Variants in ZNF469 observed in about 807,000 individuals in gnomAD.
ZNF469 encodes the protein zinc finger protein 469.
Under a neutral mutation model 1.0 loss-of-function variants are expected in ZNF469, and 1 was observed. The ratio of observed to expected loss-of-function variants is 1.00; its 90% CI spans 0.35 to 4.73. ZNF469 has a LOEUF of 4.73. Ranked by LOEUF, ZNF469 falls within the 30% of genes most tolerant of loss-of-function variation. ZNF469 has a pLI of 0.16. For missense variants in ZNF469, 6,100 were observed against 5,356.3 expected, an observed-to-expected ratio of 1.14 and a Z score of -4.33; for synonymous variants, 2,703 against 2,363.4, an observed-to-expected ratio of 1.14 and a Z score of -4.17.
chr16:88,386,142 T>C (rs2092536313), intron 1 of ZNF469, among the ~76,000 whole-genome samples: 1 of 152,112 alleles, frequency 6.6e-6, no homozygotes, highest in African/African-American at 2.4e-5. Flanking sequence ...CTTCCCCATT[T>C]TCCCTCCTGG....
the ZNF469 span, among the ~76,000 whole-genome samples, chr16:88,114,547 G>C: frequency 3.3e-5 from 5 of 152,198 alleles, no homozygotes; most frequent in Non-Finnish European, 7.3e-5. Flanking sequence ...ATCAGGGAAC[G>C]CGCGGTGCCC....
the ZNF469 span, among the ~76,000 whole-genome samples, chr16:88,188,558 G>A: frequency 1.3e-5 from 2 of 152,178 alleles, no homozygotes. Flanking sequence ...CAGAGCATCT[G>A]AATCTCTGGG....
chr16:88,372,682 TCATCAC>T, the ZNF469 span, among the ~76,000 whole-genome samples: 108 of 147,788 alleles, frequency 7.3e-4, no homozygotes, highest in African/African-American at 2.1e-3. Context: ...ATCACCACCA[TCATCAC>T]CATCACCATT....
chr16:88,379,560 C>G (rs996951386), upstream of ZNF469, among the ~76,000 whole-genome samples: 1 of 152,082 alleles, frequency 6.6e-6, no homozygotes, highest in African/African-American at 2.4e-5. Flanking sequence ...GCAAAGCTGC[C>G]CCCAGGAGGG....
At chr16:88,203,728 C>G in the ZNF469 span, among the ~76,000 whole-genome samples, 3 of 150,014 alleles carry the variant, frequency 2.0e-5, no homozygotes, top group Non-Finnish European at 4.5e-5. Context: ...GTGTCTGTCC[C>G]TGTGTGTGTG....
At position 88,428,291 on chromosome 16, in the gene ZNF469, A is replaced by G; in HGVS notation, c.821A>G (p.Gln274Arg). Residue 274 changes from glutamine (Q) to arginine (R), a missense_variant, in exon 3 of 3, where the codon CAG becomes CGG. Gln to Arg is a conservative substitution (Grantham distance 43, BLOSUM62 1). Coordinates refer to ENST00000565624, the MANE Select transcript of ZNF469 (RefSeq NM_001367624.2). ...PGGSPRGVSF[Q>R]FPFPALHGAS... ...GGCAGCCCCAGGGGAGTTTCCTTCC[A>G]GTTCCCCTTCCCGGCACTGCATGGG... 1 of 1,550,380 alleles carries G rather than the reference A, an allele frequency of 6.5e-7. No individual in the cohort carries two copies. Among genetic ancestry groups the G allele is most frequent in the Non-Finnish European group, 8.7e-7 (1 of 1,146,936 alleles).
At chr16:88,231,460 G>T in the ZNF469 span, among the ~76,000 whole-genome samples, 1 of 152,346 alleles carries the variant, frequency 6.6e-6, no homozygotes, top group African/African-American at 2.4e-5. This position sits in a 1 kb window ranked among gnomAD's most constrained non-coding sequence, Gnocchi z 4.5. Context: ...ATGACCACAG[G>T]CTCACAGCTC....
Position 88,434,779 on chromosome 16 carries a change from G to T in ZNF469, c.7309G>T (p.Asp2437Tyr), listed in dbSNP as rs1233521979. The part of the protein sequence containing the change: ...RNASHQTPQG[D>Y]PLGPQDLKQR... ...TGCCTCCCACCAGACTCCCCAGGGG[G>T]ACCCCCTCGGCCCCCAAGACCTCAA... Residue 2437 changes from aspartate (D) to tyrosine (Y), a missense_variant, in exon 3 of 3, where the codon GAC becomes TAC. By Grantham distance (160) the Asp-to-Tyr change is radical. Transcript: ENST00000565624. The T allele has an allele frequency of 2.6e-6, 4 of 1,550,338 alleles. No homozygotes were observed. The South Asian group carries it at 4.8e-5, about 18-fold the overall frequency.
At chr16:88,406,902 G>A (rs1905041746) in intron 1 of ZNF469, among the ~76,000 whole-genome samples, 1 of 152,166 alleles carries the variant, frequency 6.6e-6, no homozygotes, top group African/African-American at 2.4e-5. Flanking sequence ...CGGCTGTTCA[G>A]CACCCCTCAG....
the ZNF469 span, among the ~76,000 whole-genome samples, chr16:88,205,299 G>A: frequency 1.3e-5 from 2 of 152,124 alleles, no homozygotes; most frequent in Admixed American, 6.5e-5. This position sits in a 1 kb window ranked among gnomAD's most constrained non-coding sequence, Gnocchi z 4.2. Flanking sequence ...CGGCTTCCTC[G>A]AAGGGTTTTT....
the ZNF469 span, among the ~76,000 whole-genome samples, chr16:88,117,315 C>A: frequency 6.6e-6 from 1 of 152,136 alleles, no homozygotes; most frequent in Non-Finnish European, 1.5e-5. Context: ...AGGACAGATG[C>A]GTGTGGCTCT....
the ZNF469 span, among the ~76,000 whole-genome samples, chr16:88,272,786 A>G: frequency 0.018 from 2,739 of 149,344 alleles, 85 homozygotes; most frequent in African/African-American, 0.066. Flanking sequence ...AGGTGGATGA[A>G]CGGGTGGGTG....
the ZNF469 span, among the ~76,000 whole-genome samples, chr16:88,215,217 T>C: frequency 6.6e-6 from 1 of 152,152 alleles, no homozygotes. Flanking sequence ...CTGAAATACT[T>C]GCATTTCTAT....
intron 1 of ZNF469, among the ~76,000 whole-genome samples, chr16:88,387,304 G>A (rs1470852010): frequency 6.6e-6 from 1 of 152,194 alleles, no homozygotes; most frequent in Non-Finnish European, 1.5e-5. Flanking sequence ...ATTCCTGTGA[G>A]TCCACGTCAC....
At chr16:88,329,285 A>C in the ZNF469 span, among the ~76,000 whole-genome samples, 3 of 152,216 alleles carry the variant, frequency 2.0e-5, no homozygotes, top group Non-Finnish European at 4.4e-5. Context: ...TTCTGAGAAC[A>C]CGGAGAAGCC....
At chr16:88,357,969 G>A in the ZNF469 span, among the ~76,000 whole-genome samples, 3 of 152,328 alleles carry the variant, frequency 2.0e-5, no homozygotes, top group South Asian at 6.2e-4. Context: ...ATGGCATTTG[G>A]CCCGAAATGT....
the ZNF469 span, among the ~76,000 whole-genome samples, chr16:88,105,895 C>T: frequency 2.0e-5 from 3 of 152,244 alleles, no homozygotes; most frequent in Non-Finnish European, 4.4e-5. Context: ...GAAGCAAGCA[C>T]TCACACCACC....
At chr16:88,360,487 C>T in the ZNF469 span, among the ~76,000 whole-genome samples, 1 of 145,310 alleles carries the variant, frequency 6.9e-6, no homozygotes, top group Admixed American at 6.8e-5. Flanking sequence ...CCAGACAGCG[C>T]CCGCATGCTC....
the ZNF469 span, among the ~76,000 whole-genome samples, chr16:88,297,428 T>A: frequency 6.6e-6 from 1 of 152,226 alleles, no homozygotes; most frequent in Admixed American, 6.5e-5. Flanking sequence ...TTTTGCACTC[T>A]GTCATAGGCT....
Sources: allele counts gnomAD v4.1 joint callset (sites outside exome capture counted in the v4.1 genomes callset), GRCh38; gene constraint gnomAD v4.1.1; non-coding constraint Gnocchi (gnomAD v3.1); transcripts MANE v1.5; gene names NCBI Gene and HGNC (gene_info 2026-07-23, HGNC 2026-07-21).